Variants in SUPT3H observed in about 807,000 individuals in gnomAD.
The protein encoded by SUPT3H is transcription initiation protein SPT3 homolog.
A neutral mutation model predicts 44.3 loss-of-function variants in SUPT3H; 44 were observed. The ratio of observed to expected loss-of-function variants is 0.99; its 90% CI spans 0.78 to 1.28. The LOEUF (loss-of-function observed/expected upper bound fraction) is 1.28. Ranked by LOEUF, SUPT3H falls within the 50% of genes most tolerant of loss-of-function variation. SUPT3H has a pLI of 0.00. For missense variants in SUPT3H, 380 were observed against 387.1 expected (o/e 0.98, Z 0.15); for synonymous variants, 124 against 125.6 (o/e 0.99, Z 0.09).
chr6:45,100,562 A>AAAAAAAAAAAAAAC (rs1412317865), intron 3 of SUPT3H, among the ~76,000 whole-genome samples: 1 of 149,322 alleles, frequency 6.7e-6, no homozygotes, highest in Admixed American at 6.7e-5. Context: ...AAAAAAAAAA[A>AAAAAAAAAAAAAAC]AAGACACACA....
intron 4 of SUPT3H, among the ~76,000 whole-genome samples, chr6:45,015,110 G>A (rs1326764877): frequency 1.3e-5 from 2 of 152,050 alleles, no homozygotes; most frequent in South Asian, 4.1e-4. Flanking sequence ...CAAATATTCG[G>A]ATGTTCCAGA....
chr6:45,279,235 C>A (rs1027655168), intron 2 of SUPT3H, among the ~76,000 whole-genome samples: 2 of 151,928 alleles, frequency 1.3e-5, no homozygotes, highest in African/African-American at 4.8e-5. Flanking sequence ...TACCATGTGA[C>A]CAGTAAGCAT....
At chr6:44,891,840 AC>A (rs915886818) in intron 10 of SUPT3H, among the ~76,000 whole-genome samples, 2 of 151,754 alleles carry the variant, frequency 1.3e-5, no homozygotes, top group African/African-American at 4.8e-5. Flanking sequence ...CAGATTAGTG[AC>A]CAAAAAAAAA....
At chr6:45,123,965 G>A (rs1802043677) in intron 2 of SUPT3H, among the ~76,000 whole-genome samples, 1 of 151,860 alleles carries the variant, frequency 6.6e-6, no homozygotes, top group Non-Finnish European at 1.5e-5. Flanking sequence ...AAAAATATTC[G>A]TGGTTACACA....
intron 1 of SUPT3H, among the ~76,000 whole-genome samples, chr6:45,370,406 A>G (rs1263362459): frequency 1.3e-5 from 2 of 152,162 alleles, no homozygotes; most frequent in Non-Finnish European, 2.9e-5. Context: ...AAAACAGTTC[A>G]GTTGGGCCTA....
At chr6:44,887,359 C>T (rs1320413701) in intron 10 of SUPT3H, among the ~76,000 whole-genome samples, 6 of 151,978 alleles carry the variant, frequency 3.9e-5, no homozygotes, top group South Asian at 2.1e-4. Flanking sequence ...ATTGACCACA[C>T]GGTTGGAAAT....
chr6:45,028,824 T>C (rs1315874585), intron 3 of SUPT3H, among the ~76,000 whole-genome samples: 3 of 137,558 alleles, frequency 2.2e-5, no homozygotes, highest in Non-Finnish European at 4.5e-5. Context: ...TTACATTGCA[T>C]AGAAAAGTCT....
At chr6:45,370,438 T>TA (rs1476434001) in intron 1 of SUPT3H, among the ~76,000 whole-genome samples, 2 of 152,048 alleles carry the variant, frequency 1.3e-5, no homozygotes, top group African/African-American at 4.8e-5. Context: ...AGACAACTAT[T>TA]AGACATTCAA....
chr6:44,879,315 T>G (rs999944325), intron 10 of SUPT3H, among the ~76,000 whole-genome samples: 1 of 152,176 alleles, frequency 6.6e-6, no homozygotes, highest in Non-Finnish European at 1.5e-5. Context: ...GCCTGGAACT[T>G]TGAACTGGGC....
chr6:45,048,373 C>T lies in SUPT3H; in HGVS notation c.187-27741G>A, dbSNP rs1270480636. On this transcript the variant is annotated intron_variant, in intron 3 of 10. Coordinates refer to ENST00000371459, the MANE Select transcript of SUPT3H (RefSeq NM_003599.4). ...TCATGGAGCTTTCCTCCTGTGTTTT[C>T]TTCTAGTAGTTTTACAGTTTCAGAT... Among the ~76,000 whole-genome samples, 4 of 151,978 alleles carry T rather than the reference C, an allele frequency of 2.6e-5. No homozygotes were observed. In the East Asian group the frequency reaches 7.8e-4, roughly 29 times the overall value.
At chr6:44,846,919 T>A (rs986154330) in intron 10 of SUPT3H, among the ~76,000 whole-genome samples, 9 of 152,156 alleles carry the variant, frequency 5.9e-5, no homozygotes, top group Non-Finnish European at 1.0e-4. Flanking sequence ...CGTGAGGCAC[T>A]GTACCCAGCC....
chr6:44,988,394 GA>G (rs2153495167), intron 6 of SUPT3H, among the ~76,000 whole-genome samples: 1 of 150,148 alleles, frequency 6.7e-6, no homozygotes, highest in Admixed American at 6.6e-5. Flanking sequence ...CCTAATAAAG[GA>G]AGAAACATAT....
intron 2 of SUPT3H, among the ~76,000 whole-genome samples, chr6:45,126,318 T>C (rs1255644407): frequency 6.6e-6 from 1 of 152,242 alleles, no homozygotes; most frequent in Admixed American, 6.5e-5. Flanking sequence ...TTGAGAATTT[T>C]TAAAACCCAA....
chr6:45,069,406 A>G (rs1794020867), intron 3 of SUPT3H, among the ~76,000 whole-genome samples: 1 of 152,192 alleles, frequency 6.6e-6, no homozygotes, highest in Non-Finnish European at 1.5e-5. Flanking sequence ...CACCTGGTCT[A>G]ATTTTATAGT....
chr6:44,924,818 TC>T (rs1769274293), intron 10 of SUPT3H, among the ~76,000 whole-genome samples: 1 of 152,092 alleles, frequency 6.6e-6, no homozygotes, highest in African/African-American at 2.4e-5. Context: ...TTTAGTACTC[TC>T]AAAAAATTTA....
chr6:44,929,155 T>C (rs1430700885), intron 10 of SUPT3H, among the ~76,000 whole-genome samples: 1 of 152,042 alleles, frequency 6.6e-6, no homozygotes, highest in African/African-American at 2.4e-5. Flanking sequence ...AAGTATTCCT[T>C]TCTTCTATCA....
intron 2 of SUPT3H, among the ~76,000 whole-genome samples, chr6:45,268,272 C>A (rs1373660224): frequency 6.6e-6 from 1 of 152,012 alleles, no homozygotes; most frequent in Admixed American, 6.6e-5. Context: ...AAAAGGGGTG[C>A]GTGTGGAACT....
rs150054085 is a variant in SUPT3H at position 45,238,805 on chromosome 6, G to A, written c.101+126396C>T. 5.3e-3 allele frequency among the ~76,000 whole-genome samples: 807 copies of A among 152,250 alleles called. 6 individuals are homozygous for A. The highest frequency in any genetic ancestry group is 0.018 in the African/African-American group (751 of 41,544). On this transcript the variant is annotated intron_variant, in intron 2 of 10. Coordinates refer to ENST00000371459, the MANE Select transcript of SUPT3H (RefSeq NM_003599.4). ...CTGGAAAAATTATTGTCCCTCTCAC[G>A]AAGGCACAAATACAGCAAGCTTTTA...
intron 3 of SUPT3H, among the ~76,000 whole-genome samples, chr6:45,062,109 A>G (rs1046311796): frequency 4.0e-5 from 6 of 151,874 alleles, no homozygotes; most frequent in Admixed American, 6.6e-5. Flanking sequence ...CACCTTATCT[A>G]GTATTTACAC....
Sources: gnomAD v4.1 joint callset for allele counts (sites outside exome capture counted in the v4.1 genomes callset) on GRCh38, gnomAD v4.1.1 for gene constraint, MANE v1.5 for transcripts, NCBI Gene and HGNC (gene_info 2026-07-23, HGNC 2026-07-21) for gene names.